CLNK: variants seen among roughly 807,000 people sequenced by gnomAD.
The protein encoded by CLNK is cytokine-dependent hematopoietic cell linker.
In CLNK, 74 loss-of-function variants were observed where a neutral mutation model predicts 68.6. The ratio of observed to expected loss-of-function variants is 1.08; its 90% CI spans 0.89 to 1.31. The LOEUF (loss-of-function observed/expected upper bound fraction) is 1.31, where lower values mean the gene tolerates loss of function less well. Among genes scored for constraint, CLNK ranks in the 50% most tolerant of loss-of-function variants. The pLI, the probability that CLNK is intolerant of heterozygous loss-of-function variation, is 0.00. For missense variants in CLNK, 553 were observed against 515.3 expected (o/e 1.07, Z -0.71); for synonymous variants, 198 against 172.2 (o/e 1.15, Z -1.17).
At chr4:10,598,468 G>A (rs1721466797) in intron 2 of CLNK, among the ~76,000 whole-genome samples, 1 of 152,182 alleles carries the variant, frequency 6.6e-6, no homozygotes, top group Admixed American at 6.5e-5. Context: ...CAGCAACCGT[G>A]AGCCAGGCAA....
intron 2 of CLNK, 141 bp downstream of exon 2, chr4:10,667,718 A>G (rs952716950): frequency 6.5e-6 from 4 of 611,432 alleles, no homozygotes; most frequent in African/African-American, 5.7e-5. Context: ...AAAGCCCACA[A>G]TCTCAACCAT....
At chr4:10,638,153 C>A (rs1173656034) in intron 2 of CLNK, among the ~76,000 whole-genome samples, 3 of 152,160 alleles carry the variant, frequency 2.0e-5, no homozygotes, top group Non-Finnish European at 4.4e-5. Flanking sequence ...TGTCTGCACC[C>A]ACAGGGGTGC....
the CLNK span, among the ~76,000 whole-genome samples, chr4:10,733,828 C>A: frequency 4.6e-5 from 7 of 152,208 alleles, no homozygotes; most frequent in South Asian, 4.1e-4. Context: ...GAGAATGCAG[C>A]AATGTGTTCC....
At chr4:10,614,769 G>C (rs1159369372) in intron 2 of CLNK, among the ~76,000 whole-genome samples, 1 of 152,182 alleles carries the variant, frequency 6.6e-6, no homozygotes, top group Non-Finnish European at 1.5e-5. Context: ...TTGTTGTAAG[G>C]ATCAAAAAAT....
intron 5 of CLNK, among the ~76,000 whole-genome samples, chr4:10,571,173 G>T (rs1301575817): frequency 6.6e-6 from 1 of 152,086 alleles, no homozygotes; most frequent in Non-Finnish European, 1.5e-5. Context: ...ACTTTATTCA[G>T]CCTTCACAAT....
chr4:10,552,612 C>T lies in CLNK; in HGVS notation c.445+5795G>A, dbSNP rs557265299. On this transcript the variant is annotated intron_variant, in intron 8 of 18. Transcript: ENST00000226951. ...TCTGCTTGAAGACAGCTTCAAACCC[C>T]TATAATTTCATCTCCACCCCAATCA... 2.6e-5 allele frequency among the ~76,000 whole-genome samples: 4 copies of T among 152,170 alleles called. No individual in the cohort carries two copies. The East Asian group carries it at 7.7e-4, about 29-fold the overall frequency.
At chr4:10,534,532 G>A (rs991949540) in intron 11 of CLNK, among the ~76,000 whole-genome samples, 1 of 152,152 alleles carries the variant, frequency 6.6e-6, no homozygotes, top group Admixed American at 6.6e-5. Context: ...CCCTGGATAA[G>A]TTAAATTCTC....
chr4:10,490,174 A>AT lies in CLNK; in HGVS notation c.*292dup, dbSNP rs1577082011. On this transcript the variant is annotated 3_prime_UTR_variant, in exon 19 of 19. Transcript: ENST00000226951. ...TGAGCATAATGGCTATGTTTATAGT[A>AT]TTTTTTGTTGTTGTTTTTTAGAAGA... is the stretch of plus-strand genomic sequence containing the variant. 1 of 295,706 alleles carries AT rather than the reference A, an allele frequency of 3.4e-6. No homozygotes were observed. The highest frequency in any genetic ancestry group is 2.2e-5 in the African/African-American group (1 of 45,148). 18.3% of individuals were successfully genotyped at this position (295,706 alleles called of 1,614,324 possible). A position where few individuals can be genotyped will look rare whatever the true frequency, so the allele number is the denominator to read the frequency against.
chr4:10,733,675 A>C, the CLNK span, among the ~76,000 whole-genome samples: 1 of 152,250 alleles, frequency 6.6e-6, no homozygotes, highest in South Asian at 2.1e-4. Context: ...AGCATCTGCC[A>C]TATGCCAGGC....
intron 18 of CLNK, among the ~76,000 whole-genome samples, chr4:10,491,201 C>G (rs1716558014): frequency 6.6e-6 from 1 of 152,152 alleles, no homozygotes; most frequent in Non-Finnish European, 1.5e-5. Context: ...AGGGAGTTTC[C>G]CCTCTCTGGA....
chr4:10,701,775 G>A, the CLNK span, among the ~76,000 whole-genome samples: 4 of 152,144 alleles, frequency 2.6e-5, no homozygotes, highest in South Asian at 8.3e-4. Flanking sequence ...GGTGATATGG[G>A]GTCGCCAAAC....
intron 1 of CLNK, among the ~76,000 whole-genome samples, chr4:10,673,877 T>C (rs1246996564): frequency 6.6e-6 from 1 of 152,176 alleles, no homozygotes; most frequent in Non-Finnish European, 1.5e-5. Context: ...TCTTCTTGCC[T>C]TGATTCGGAG....
At chr4:10,540,433 T>A (rs1718966635) in intron 11 of CLNK, 61 bp downstream of exon 11, 1 of 1,286,612 alleles carries the variant, frequency 7.8e-7, no homozygotes, top group Non-Finnish European at 1.1e-6. Context: ...GTTTCCCTTG[T>A]CCCCCTCCCC....
chr4:10,710,695 C>T, the CLNK span, among the ~76,000 whole-genome samples: 1 of 152,174 alleles, frequency 6.6e-6, no homozygotes, highest in African/African-American at 2.4e-5. Context: ...CCTTGTTTCT[C>T]CCCTGAGCCA....
chr4:10,657,239 A>G (rs562202059), intron 2 of CLNK, among the ~76,000 whole-genome samples: 1 of 152,334 alleles, frequency 6.6e-6, no homozygotes, highest in East Asian at 1.9e-4. Flanking sequence ...CAGCAAAACC[A>G]AAGTATTTAT....
intron 2 of CLNK, among the ~76,000 whole-genome samples, chr4:10,654,350 T>C (rs1723870366): frequency 7.0e-6 from 1 of 142,426 alleles, no homozygotes; most frequent in African/African-American, 2.5e-5. Context: ...AAGGAAAATA[T>C]TGATTAAATA....
At chr4:10,578,613 G>C (rs1237031309) in intron 4 of CLNK, among the ~76,000 whole-genome samples, 1 of 67,154 alleles carries the variant, frequency 1.5e-5, no homozygotes, top group Admixed American at 2.1e-4. Flanking sequence ...TTGAGATGGA[G>C]TTTTGCTCTG....
chr4:10,646,554 G>A (rs1218012048), intron 2 of CLNK, among the ~76,000 whole-genome samples: 1 of 152,212 alleles, frequency 6.6e-6, no homozygotes, highest in Non-Finnish European at 1.5e-5. Context: ...CAGTGCCAGT[G>A]AAACTGGCCT....
chr4:10,685,844 G>A (rs1219793400), upstream of CLNK, among the ~76,000 whole-genome samples: 1 of 152,090 alleles, frequency 6.6e-6, no homozygotes, highest in African/African-American at 2.4e-5. Flanking sequence ...TGAAGACTAG[G>A]GAGACTCGAG....
Sources: gnomAD v4.1 joint callset for allele counts (sites outside exome capture counted in the v4.1 genomes callset) on GRCh38, gnomAD v4.1.1 for gene constraint, MANE v1.5 for transcripts, NCBI Gene and HGNC (gene_info 2026-07-23, HGNC 2026-07-21) for gene names.